NCAM2: variants seen among roughly 807,000 people sequenced by gnomAD.
The protein encoded by NCAM2 is neural cell adhesion molecule 2.
Under a neutral mutation model 98.1 loss-of-function variants are expected in NCAM2, and 30 were observed. That is an observed-to-expected ratio of 0.31 (90% CI 0.23 to 0.41). NCAM2 has a LOEUF of 0.41. Ranked by LOEUF, NCAM2 falls within the 10% of genes least tolerant of loss-of-function variation. The pLI is 1.00. For missense variants in NCAM2, 867 were observed against 1,005.8 expected (o/e 0.86, Z 1.87); for synonymous variants, 368 against 342.4 (o/e 1.07, Z -0.83).
intron 12 of NCAM2, among the ~76,000 whole-genome samples, chr21:21,459,475 A>G (rs1982639227): frequency 6.7e-6 from 1 of 148,414 alleles, no homozygotes; most frequent in Non-Finnish European, 1.5e-5. Context: ...ATACACACAT[A>G]TAATATTCCT....
At chr21:21,427,660 T>G (rs1024713316) in intron 11 of NCAM2, among the ~76,000 whole-genome samples, 1 of 152,168 alleles carries the variant, frequency 6.6e-6, no homozygotes, top group Non-Finnish European at 1.5e-5. Flanking sequence ...TCTGGGAGTT[T>G]AATAAACACA....
At chr21:21,079,100 C>G (rs1193349837) in intron 1 of NCAM2, among the ~76,000 whole-genome samples, 1 of 152,078 alleles carries the variant, frequency 6.6e-6, no homozygotes, top group Non-Finnish European at 1.5e-5. Flanking sequence ...CTTAAAACCT[C>G]GCTGAAGGGT....
At chr21:21,025,022 C>G (rs1326582998) in intron 1 of NCAM2, among the ~76,000 whole-genome samples, 1 of 151,964 alleles carries the variant, frequency 6.6e-6, no homozygotes, top group Non-Finnish European at 1.5e-5. Flanking sequence ...TGTTTGCATT[C>G]TTTCCTCTAA....
chr21:21,412,423 G>T (rs2076906071), intron 10 of NCAM2, among the ~76,000 whole-genome samples: 1 of 106,964 alleles, frequency 9.3e-6, no homozygotes, highest in African/African-American at 3.1e-5. Flanking sequence ...GGGCAGTTCA[G>T]TCCATAGAAA....
At chr21:21,105,272 G>T (rs1448100477) in intron 1 of NCAM2, among the ~76,000 whole-genome samples, 1 of 152,112 alleles carries the variant, frequency 6.6e-6, no homozygotes, top group African/African-American at 2.4e-5. Flanking sequence ...TTAATGGGTA[G>T]TAATCTGAAA....
chr21:21,088,210 G>T (rs2065940695), intron 1 of NCAM2, among the ~76,000 whole-genome samples: 1 of 152,122 alleles, frequency 6.6e-6, no homozygotes, highest in Admixed American at 6.5e-5. Flanking sequence ...GCTAAATCTA[G>T]ATCACTTTAG....
At chr21:21,429,308 G>T (rs946525135) in intron 11 of NCAM2, among the ~76,000 whole-genome samples, 1 of 152,162 alleles carries the variant, frequency 6.6e-6, no homozygotes, top group African/African-American at 2.4e-5. Context: ...TTGGTGAATG[G>T]TGCAACCTCT....
chr21:21,213,239 AT>A (rs1177846490), intron 1 of NCAM2, among the ~76,000 whole-genome samples: 1 of 152,122 alleles, frequency 6.6e-6, no homozygotes, highest in African/African-American at 2.4e-5. Flanking sequence ...ATAGGGGAGC[AT>A]TTTTCTAATG....
chr21:21,410,811 G>A (rs559629577), intron 10 of NCAM2, among the ~76,000 whole-genome samples: 21 of 150,472 alleles, frequency 1.4e-4, no homozygotes, highest in East Asian at 2.0e-4. Flanking sequence ...GACTGAGACC[G>A]TCCTGGCCAA....
At chr21:21,423,740 A>AT (rs1284917923) in intron 11 of NCAM2, among the ~76,000 whole-genome samples, 2 of 151,936 alleles carry the variant, frequency 1.3e-5, no homozygotes, top group Non-Finnish European at 1.5e-5. Context: ...GTTTTGACTC[A>AT]TTTTTTAACC....
At chr21:21,349,319 A>G (rs2075274323) in intron 8 of NCAM2, among the ~76,000 whole-genome samples, 1 of 152,174 alleles carries the variant, frequency 6.6e-6, no homozygotes, top group Non-Finnish European at 1.5e-5. Context: ...AAACAGATAT[A>G]TGAAAAGGTG....
At chr21:21,380,716 T>G (rs978358195) in intron 9 of NCAM2, among the ~76,000 whole-genome samples, 1 of 152,200 alleles carries the variant, frequency 6.6e-6, no homozygotes, top group Non-Finnish European at 1.5e-5. Flanking sequence ...TCTCAAACTT[T>G]CCTTGCAATT....
intron 9 of NCAM2, among the ~76,000 whole-genome samples, chr21:21,381,936 C>T (rs2076162401): frequency 6.6e-6 from 1 of 152,024 alleles, no homozygotes; most frequent in Non-Finnish European, 1.5e-5. Context: ...TCCACTACAC[C>T]TCTTCCTTCC....
At chr21:21,432,482 G>A (rs1021337075) in intron 12 of NCAM2, among the ~76,000 whole-genome samples, 1 of 151,392 alleles carries the variant, frequency 6.6e-6, no homozygotes, top group Non-Finnish European at 1.5e-5. Context: ...AAATGAAAGA[G>A]CTTAGTAGAA....
chr21:21,447,787 G>A (rs560633733), intron 12 of NCAM2, among the ~76,000 whole-genome samples: 3 of 152,142 alleles, frequency 2.0e-5, no homozygotes, highest in East Asian at 1.9e-4. Context: ...ACCAACTTAC[G>A]AATAAAAGCT....
At chr21:21,011,041 G>T (rs1039768168) in intron 1 of NCAM2, among the ~76,000 whole-genome samples, 1 of 152,016 alleles carries the variant, frequency 6.6e-6, no homozygotes, top group Non-Finnish European at 1.5e-5. Flanking sequence ...AAGATACCCA[G>T]AATGTATAGA....
At chr21:21,411,433 T>C (rs1344545521) in intron 10 of NCAM2, among the ~76,000 whole-genome samples, 2 of 151,724 alleles carry the variant, frequency 1.3e-5, no homozygotes, top group African/African-American at 2.4e-5. Flanking sequence ...ACTTGTTCAG[T>C]ATCTTTTGTT....
intron 14 of NCAM2, among the ~76,000 whole-genome samples, chr21:21,475,738 A>T (rs1266392783): frequency 2.0e-5 from 3 of 152,164 alleles, no homozygotes; most frequent in Non-Finnish European, 2.9e-5. Context: ...TATATTGATA[A>T]CTTGTAGTGC....
At chr21:21,341,605 G>A (rs548287547) in intron 8 of NCAM2, among the ~76,000 whole-genome samples, 1 of 151,984 alleles carries the variant, frequency 6.6e-6, no homozygotes, top group African/African-American at 2.4e-5. Flanking sequence ...TAAATGTCGT[G>A]TAGTAAAAAC....
Sources: gnomAD v4.1 joint callset for allele counts (sites outside exome capture counted in the v4.1 genomes callset) on GRCh38, gnomAD v4.1.1 for gene constraint, MANE v1.5 for transcripts, NCBI Gene and HGNC (gene_info 2026-07-23, HGNC 2026-07-21) for gene names.